The following LRBA variants were observed in gnomAD, a reference collection of about 807,000 sequenced individuals.
LRBA encodes LPS responsive beige-like anchor protein.
A neutral mutation model predicts 330.0 loss-of-function variants in LRBA; 176 were observed. That is an observed-to-expected ratio of 0.53 (90% CI 0.47 to 0.60). LRBA has a LOEUF of 0.60. LRBA is among the 20% of genes least tolerant of loss of function. The pLI is 0.00. For synonymous variants in LRBA, 1,230 were observed against 1,193.0 expected (o/e 1.03, Z -0.64); for missense variants, 3,259 against 3,444.8 (o/e 0.95, Z 1.35).
intron 47 of LRBA, among the ~76,000 whole-genome samples, chr4:150,413,649 C>A (rs1747328833): frequency 6.6e-6 from 1 of 152,030 alleles, no homozygotes; most frequent in African/African-American, 2.4e-5. Flanking sequence ...ATAAAGAGGC[C>A]CAAGGAAACT....
At chr4:150,551,814 T>C (rs774439702) in intron 40 of LRBA, among the ~76,000 whole-genome samples, 2 of 152,214 alleles carry the variant, frequency 1.3e-5, no homozygotes, top group African/African-American at 4.8e-5. Flanking sequence ...AATATATGTA[T>C]GTGTATATAT....
rs1741460287 is a variant in LRBA at position 150,800,550 on chromosome 4, TA to T, written c.5519-2409del. Among the ~76,000 whole-genome samples the T allele has an allele frequency of 2.6e-5, 4 of 152,352 alleles. No individual in the cohort carries two copies. In the South Asian group the frequency reaches 8.3e-4, roughly 32 times the overall value. ...TGCAAAAAAACAAATAATAAACCTG[TA>T]AATCTCTCTTCAGATTTAGTCATAC... On this transcript the variant is annotated intron_variant, in intron 33 of 56. Coordinates refer to ENST00000651943, the MANE Select transcript of LRBA (RefSeq NM_001364905.1).
chr4:150,811,614 T>C (rs983197786), intron 31 of LRBA, among the ~76,000 whole-genome samples: 1 of 152,180 alleles, frequency 6.6e-6, no homozygotes, highest in Admixed American at 6.5e-5. Context: ...GTAATCCTCC[T>C]GTCTCAGCCT....
chr4:150,688,304 C>G (rs1166331550), intron 36 of LRBA, among the ~76,000 whole-genome samples: 1 of 152,168 alleles, frequency 6.6e-6, no homozygotes, highest in Non-Finnish European at 1.5e-5. Flanking sequence ...AAAATCAATC[C>G]AAGATGGATT....
At chr4:150,965,855 A>C (rs1738823058) in intron 2 of LRBA, among the ~76,000 whole-genome samples, 1 of 152,010 alleles carries the variant, frequency 6.6e-6, no homozygotes, top group Non-Finnish European at 1.5e-5. Context: ...AGGTTTTCTT[A>C]AGCAGTGACT....
chr4:150,818,239 A>T (rs983533525), intron 30 of LRBA, among the ~76,000 whole-genome samples: 1 of 152,060 alleles, frequency 6.6e-6, no homozygotes, highest in Admixed American at 6.6e-5. Flanking sequence ...AGTTATTTTT[A>T]AAAACACACA....
chr4:150,380,020 A>G (rs1741962844), intron 47 of LRBA, among the ~76,000 whole-genome samples: 2 of 150,938 alleles, frequency 1.3e-5, no homozygotes, highest in Non-Finnish European at 3.0e-5. Flanking sequence ...AAAAAAAAAA[A>G]AAAAAAAAAT....
At position 150,277,988 on chromosome 4, in the gene LRBA, C is replaced by T. The variant is rs749223887; in HGVS notation, c.8333G>A (p.Arg2778Gln). The change falls in exon 56 of 57, where the codon CGA becomes CAA. Residue 2778 changes from arginine to glutamine, a missense_variant. Transcript: ENST00000651943. ...TCCTGTGAGCAGGTACTGCCCATCT[C>T]GGCTCAGCTGGATGGCCTGTGAGAC... is the stretch of plus-strand genomic sequence containing the variant. Reference protein sequence around the residue: ...DDNIRAIQLSRDGQYLLTGGD... With the variant: ...DDNIRAIQLSQDGQYLLTGGD... The T allele has an allele frequency of 4.3e-6, 7 of 1,613,994 alleles. No individual in the cohort carries two copies. Among genetic ancestry groups the T allele is most frequent in the South Asian group, 2.2e-5 (2 of 91,064 alleles).
At chr4:150,397,773 T>C (rs1744941083) in intron 47 of LRBA, among the ~76,000 whole-genome samples, 4 of 152,202 alleles carry the variant, frequency 2.6e-5, no homozygotes, top group Admixed American at 2.0e-4. Context: ...CTAAACTCTC[T>C]ATGCCTCAAG....
At chr4:150,913,077 CA>C (rs980688179) in intron 9 of LRBA, among the ~76,000 whole-genome samples, 1 of 151,954 alleles carries the variant, frequency 6.6e-6, no homozygotes, top group African/African-American at 2.4e-5. Flanking sequence ...TTATTGTGGT[CA>C]AAAAAGATAC....
chr4:150,513,003 T>C (rs1217997239), intron 40 of LRBA, among the ~76,000 whole-genome samples: 1 of 152,162 alleles, frequency 6.6e-6, no homozygotes, highest in African/African-American at 2.4e-5. Context: ...TAAGTATAGG[T>C]AAGGAAGTAA....
chr4:150,559,909 ATAT>A (rs1768062529), intron 40 of LRBA, among the ~76,000 whole-genome samples: 2 of 60,392 alleles, frequency 3.3e-5, no homozygotes, highest in African/African-American at 6.7e-5. Context: ...ATATAATTAT[ATAT>A]AATATATAAA....
chr4:150,937,691 C>T (rs1735232225), intron 2 of LRBA, among the ~76,000 whole-genome samples: 1 of 152,040 alleles, frequency 6.6e-6, no homozygotes, highest in Admixed American at 6.5e-5. Context: ...GGTGGCATAA[C>T]ATGCTTTCTA....
Position 150,534,340 on chromosome 4 carries a change from TATAATAATAATAATAATA to T in LRBA, c.6331-43323_6331-43306del, listed in dbSNP as rs36206816. Among the ~76,000 whole-genome samples, 31 of 143,766 alleles carry T rather than the reference TATAATAATAATAATAATA, an allele frequency of 2.2e-4. No individual in the cohort carries two copies. In the East Asian group the frequency reaches 5.0e-3, roughly 23 times the overall value. The allele number at this position is 143,766 out of a possible 152,430, so 94.3% of individuals were successfully genotyped here. On this transcript the variant is annotated intron_variant, in intron 40 of 56. Coordinates refer to ENST00000651943, the MANE Select transcript of LRBA (RefSeq NM_001364905.1). ...TGCACATGTACCCTAAAACTTGAAG[TATAATAATAATAATAATA>T]ATAATAATAATAATAATAATTTTTT...
At chr4:150,964,039 G>A (rs1424440985) in intron 2 of LRBA, among the ~76,000 whole-genome samples, 2 of 146,762 alleles carry the variant, frequency 1.4e-5, no homozygotes, top group East Asian at 2.0e-4. Flanking sequence ...CGCCCCATCT[G>A]AGAAGTGATG....
chr4:150,686,884 G>C (rs1320201601), intron 36 of LRBA, among the ~76,000 whole-genome samples: 1 of 152,020 alleles, frequency 6.6e-6, no homozygotes, highest in African/African-American at 2.4e-5. Flanking sequence ...ATTAAAGTTT[G>C]TTCTAAAAGG....
intron 2 of LRBA, chr4:151,013,188 A>C (rs1288983157): frequency 6.6e-6 from 1 of 152,248 alleles, no homozygotes; most frequent in Non-Finnish European, 1.5e-5. Flanking sequence ...CCTTGAAAAG[A>C]GGCAAAGGGA....
intron 46 of LRBA, among the ~76,000 whole-genome samples, chr4:150,429,072 T>C (rs1295458498): frequency 3.3e-5 from 5 of 151,914 alleles, no homozygotes. Context: ...AATGGTCAAG[T>C]GGGATATGAC....
chr4:150,426,249 T>C (rs1749593511), intron 46 of LRBA, among the ~76,000 whole-genome samples: 1 of 151,946 alleles, frequency 6.6e-6, no homozygotes, highest in South Asian at 2.1e-4. Flanking sequence ...AGAAAAACAA[T>C]CATTTTCAAA....
Sources: gnomAD v4.1 joint callset for allele counts (sites outside exome capture counted in the v4.1 genomes callset) on GRCh38, gnomAD v4.1.1 for gene constraint, MANE v1.5 for transcripts, NCBI Gene and HGNC (gene_info 2026-07-23, HGNC 2026-07-21) for gene names.